The following KDM4C variants were observed in gnomAD, a reference collection of about 807,000 sequenced individuals.
KDM4C encodes lysine-specific demethylase 4C.
In KDM4C, 81 loss-of-function variants were observed where a neutral mutation model predicts 129.3. That is an observed-to-expected ratio of 0.63 (90% CI 0.52 to 0.75). KDM4C has a LOEUF of 0.75. Ranked by LOEUF, KDM4C falls within the 30% of genes least tolerant of loss-of-function variation. The pLI, the probability that KDM4C is intolerant of heterozygous loss-of-function variation, is 0.00. For missense variants in KDM4C, 1,457 were observed against 1,304.0 expected (o/e 1.12, Z -1.81); for synonymous variants, 573 against 456.1 (o/e 1.26, Z -3.26).
intron 1 of KDM4C, among the ~76,000 whole-genome samples, chr9:6,774,805 G>T (rs947667732): frequency 6.6e-6 from 1 of 152,138 alleles, no homozygotes; most frequent in African/African-American, 2.4e-5. Flanking sequence ...AATTCACCCA[G>T]ATATCACTGT....
intron 5 of KDM4C, among the ~76,000 whole-genome samples, chr9:6,874,271 A>T (rs1843243928): frequency 6.6e-6 from 1 of 152,234 alleles, no homozygotes; most frequent in Non-Finnish European, 1.5e-5. Context: ...AGCACAACAA[A>T]GTGCAATAAA....
intron 19 of KDM4C, among the ~76,000 whole-genome samples, chr9:7,134,559 T>C (rs1840990446): frequency 6.6e-6 from 1 of 152,240 alleles, no homozygotes; most frequent in Non-Finnish European, 1.5e-5. Flanking sequence ...CCCATAACTT[T>C]AATAAATCAG....
intron 16 of KDM4C, among the ~76,000 whole-genome samples, chr9:7,047,247 T>C (rs1048686944): frequency 8.5e-5 from 13 of 152,186 alleles, no homozygotes; most frequent in African/African-American, 3.1e-4. Context: ...TGAATGCTAT[T>C]GGTCTGTTAA....
chr9:7,083,089 C>A (rs1041559504), intron 17 of KDM4C, among the ~76,000 whole-genome samples: 3 of 152,168 alleles, frequency 2.0e-5, no homozygotes, highest in African/African-American at 7.2e-5. Context: ...CTCAACAGTT[C>A]AGGAACATTT....
At chr9:6,997,196 GA>G (rs200756569) in intron 12 of KDM4C, among the ~76,000 whole-genome samples, 2,245 of 152,266 alleles carry the variant, frequency 0.015, 163 homozygotes, top group Admixed American at 0.13. Context: ...AGGAGAGGGG[GA>G]AAGTGACAGC....
rs1818734098 is a variant in KDM4C, at chr9:6,758,533, G to A, written c.-18+330G>A. Reference sequence around the variant, plus strand: ...AGCGCTCGGGCGGTCCTGGGATGCGGACCTCTTAACGCCGCCAGTCGGCTG... The same window carrying A: ...AGCGCTCGGGCGGTCCTGGGATGCGAACCTCTTAACGCCGCCAGTCGGCTG... On this transcript the variant is annotated intron_variant, in intron 1 of 21. Transcript: ENST00000381309. The surrounding 1 kb of genome is among the most constrained non-coding windows in gnomAD (Gnocchi z 4.6). Among the ~76,000 whole-genome samples, 1 of 121,936 alleles carries A rather than the reference G, an allele frequency of 8.2e-6. No homozygotes were observed. Among genetic ancestry groups the A allele is most frequent in the African/African-American group, 3.3e-5 (1 of 30,756 alleles). The allele number at this position is 121,936 out of a possible 152,430, so 80.0% of individuals were successfully genotyped here.
chr9:6,920,891 G>A (rs113362219), intron 8 of KDM4C, among the ~76,000 whole-genome samples: 4,638 of 152,242 alleles, frequency 0.03, 97 homozygotes, highest in African/African-American at 0.054. Context: ...CCTGCAGTAT[G>A]TCAAAATGGC....
intron 20 of KDM4C, 32 bp from the exon 21 acceptor site, chr9:7,169,765 TA>T (rs747587327): frequency 3.2e-5 from 50 of 1,550,572 alleles, no homozygotes; most frequent in Middle Eastern, 1.7e-4. Flanking sequence ...GCTGTTTTTT[TA>T]ATATGTATCA....
chr9:7,121,525 T>C (rs558983580), intron 18 of KDM4C, among the ~76,000 whole-genome samples: 1 of 152,264 alleles, frequency 6.6e-6, no homozygotes, highest in East Asian at 1.9e-4. Flanking sequence ...CAGTCCTTGA[T>C]AGGAGGATCT....
At chr9:6,918,359 T>C (rs1384403303) in intron 8 of KDM4C, among the ~76,000 whole-genome samples, 1 of 152,202 alleles carries the variant, frequency 6.6e-6, no homozygotes, top group African/African-American at 2.4e-5. Context: ...ATTTTATTCT[T>C]TTTATGGCTG....
intron 15 of KDM4C, among the ~76,000 whole-genome samples, chr9:7,045,133 T>C (rs1829204706): frequency 6.6e-6 from 1 of 152,010 alleles, no homozygotes; most frequent in Non-Finnish European, 1.5e-5. Flanking sequence ...GAAGACTTTT[T>C]CCTCTTGTTA....
chr9:6,813,515 A>G (rs1207036413), intron 3 of KDM4C, among the ~76,000 whole-genome samples: 2 of 152,328 alleles, frequency 1.3e-5, no homozygotes, highest in Non-Finnish European at 2.9e-5. Flanking sequence ...GTGAGTGTAG[A>G]TGTCGGTTAT....
At chr9:6,924,419 AGAG>A (rs936691468) in intron 8 of KDM4C, among the ~76,000 whole-genome samples, 4 of 152,158 alleles carry the variant, frequency 2.6e-5, no homozygotes, top group African/African-American at 7.2e-5. Context: ...GGAAATTACA[AGAG>A]GAGGAGAGTG....
chr9:7,019,315 C>A (rs549596131), intron 15 of KDM4C, among the ~76,000 whole-genome samples: 1 of 152,098 alleles, frequency 6.6e-6, no homozygotes, highest in African/African-American at 2.4e-5. Context: ...GTTTTACACT[C>A]CAGAGGAGCC....
chr9:7,158,670 C>A (rs539016024), intron 19 of KDM4C, among the ~76,000 whole-genome samples: 1 of 152,242 alleles, frequency 6.6e-6, no homozygotes, highest in Non-Finnish European at 1.5e-5. Flanking sequence ...TTTCTTTATC[C>A]TGAGTTCTAA....
intron 17 of KDM4C, among the ~76,000 whole-genome samples, chr9:7,090,726 C>G (rs1835694460): frequency 6.6e-6 from 1 of 152,180 alleles, no homozygotes; most frequent in Non-Finnish European, 1.5e-5. Context: ...TGTGTGGTGT[C>G]TCCTCCTTCC....
At chr9:6,843,410 AC>A (rs1837329230) in intron 4 of KDM4C, among the ~76,000 whole-genome samples, 1 of 152,248 alleles carries the variant, frequency 6.6e-6, no homozygotes, top group Non-Finnish European at 1.5e-5. Flanking sequence ...TTTCTTTACA[AC>A]TGTCCTATAA....
At chr9:7,030,100 A>G (rs1431299605) in intron 15 of KDM4C, among the ~76,000 whole-genome samples, 1 of 152,164 alleles carries the variant, frequency 6.6e-6, no homozygotes, top group Non-Finnish European at 1.5e-5. Context: ...TTTATTAAAG[A>G]TCTTCAGCCA....
chr9:6,924,512 C>G (rs1822120965), intron 8 of KDM4C, among the ~76,000 whole-genome samples: 1 of 152,218 alleles, frequency 6.6e-6, no homozygotes, highest in African/African-American at 2.4e-5. Context: ...GGGAATTACA[C>G]TCTTCTCTAG....
Sources: allele counts gnomAD v4.1 joint callset (sites outside exome capture counted in the v4.1 genomes callset), GRCh38; gene constraint gnomAD v4.1.1; non-coding constraint Gnocchi (gnomAD v3.1); transcripts MANE v1.5; gene names NCBI Gene and HGNC (gene_info 2026-07-23, HGNC 2026-07-21).